Variants in KMT2C observed in about 807,000 individuals in gnomAD.
The protein encoded by KMT2C is lysine methyltransferase 2C, also known as histone-lysine N-methyltransferase 2C.
Under a neutral mutation model 507.9 loss-of-function variants are expected in KMT2C, and 88 were observed. The ratio of observed to expected loss-of-function variants is 0.17; its 90% CI spans 0.15 to 0.21. KMT2C has a LOEUF of 0.21. Among genes scored for constraint, KMT2C ranks in the 10% least tolerant of loss-of-function variants. The probability of loss-of-function intolerance (pLI) is 1.00; values close to 1 mark genes in which losing one functional copy is unlikely to be tolerated. For missense variants in KMT2C, 4,954 were observed against 5,957.8 expected, an observed-to-expected ratio of 0.83 and a Z score of 5.55; for synonymous variants, 2,049 against 2,080.8, an observed-to-expected ratio of 0.98 and a Z score of 0.42.
chr7:152,359,704 G>GA (rs1457493564), intron 1 of KMT2C, among the ~76,000 whole-genome samples: 2 of 151,508 alleles, frequency 1.3e-5, no homozygotes, highest in African/African-American at 4.9e-5. Flanking sequence ...GAAATAGAAA[G>GA]AAAAAATACA....
chr7:152,435,291 T>C (rs2097906577), intron 1 of KMT2C, among the ~76,000 whole-genome samples: 1 of 152,130 alleles, frequency 6.6e-6, no homozygotes, highest in African/African-American at 2.4e-5. Context: ...GTTTTCTCAA[T>C]GATCCAGCTA....
chr7:152,363,761 G>C (rs1175190930), intron 1 of KMT2C, among the ~76,000 whole-genome samples: 1 of 152,174 alleles, frequency 6.6e-6, no homozygotes, highest in Non-Finnish European at 1.5e-5. Flanking sequence ...GGTATTCAGA[G>C]AAAGAGCTCC....
chr7:152,156,222 A>G lies in KMT2C; in HGVS notation c.11795T>C (p.Val3932Ala), dbSNP rs764282606. The change falls in exon 45 of 59, where the codon GTG becomes GCG. Residue 3932 changes from valine (V) to alanine (A), a missense_variant. By Grantham distance (64) the Val-to-Ala change is moderately conservative. This residue lies in a region of KMT2C where 104 missense variants were observed against 134.3 expected (regional missense o/e 0.77). Transcript: ENST00000262189. ...AATCATACCTTCATGGCTCACTAAC[A>G]CTCCGGCTTTTCCAGCAAGTTCTTC... ...TTEELAGKAGVLVSHEVTKTL... is the reference protein window; with the variant it reads ...TTEELAGKAGALVSHEVTKTL... 1 of 1,613,982 alleles carries G rather than the reference A, an allele frequency of 6.2e-7. No homozygotes were observed. Among genetic ancestry groups the G allele is most frequent in the South Asian group, 1.1e-5 (1 of 91,068 alleles).
intron 42 of KMT2C, among the ~76,000 whole-genome samples, chr7:152,164,284 G>A (rs2092618383): frequency 6.6e-6 from 1 of 151,196 alleles, no homozygotes; most frequent in Non-Finnish European, 1.5e-5. Flanking sequence ...TATATAAATT[G>A]TACAACATTT....
intron 2 of KMT2C, among the ~76,000 whole-genome samples, chr7:152,346,180 C>G (rs1000254399): frequency 6.6e-6 from 1 of 152,178 alleles, no homozygotes; most frequent in Non-Finnish European, 1.5e-5. Flanking sequence ...AGAAATAGAT[C>G]TGGCGTGCAG....
Position 152,139,800 on chromosome 7 carries a change from A to G in KMT2C, c.14344-9T>C, listed in dbSNP as rs780775358. The G allele has an allele frequency of 6.3e-7, 1 of 1,593,606 alleles. No homozygotes were observed. The highest frequency in any genetic ancestry group is 8.6e-7 in the Non-Finnish European group (1 of 1,161,750). ...GCATACAGGCCCAGCCCCTAAAAAA[A>G]AGTGTGTACATACTTCCAATTTATG... On this transcript the variant is annotated splice_polypyrimidine_tract_variant and intron_variant, in intron 55 of 58. Coordinates refer to ENST00000262189, the MANE Select transcript of KMT2C (RefSeq NM_170606.3).
intron 6 of KMT2C, among the ~76,000 whole-genome samples, chr7:152,305,900 G>A (rs144504534): frequency 1.3e-5 from 2 of 152,260 alleles, no homozygotes; most frequent in African/African-American, 4.8e-5. Context: ...AGCAATGGTT[G>A]GAGACCAAGA....
Position 152,250,933 on chromosome 7 carries a change from T to C in KMT2C, c.1655A>G (p.Glu552Gly). The change falls in exon 12 of 59, where the codon GAA (glutamate) becomes GGA (glycine). Residue 552 changes from glutamate to glycine, a missense_variant. By Grantham distance (98) the Glu-to-Gly change is moderately conservative. Coordinates refer to ENST00000262189, the MANE Select transcript of KMT2C (RefSeq NM_170606.3). ...CTGCTCTGAGAATACCATTTGATCT[T>C]CAGGGCCTTCAACTTCCATTTCATT... ...YNNEMEVEGP[E>G]DQMVFSEQAA... 1 of 1,607,396 alleles carries C rather than the reference T, an allele frequency of 6.2e-7. No homozygotes were observed. Among genetic ancestry groups the C allele is most frequent in the Non-Finnish European group, 8.5e-7 (1 of 1,173,992 alleles).
chr7:152,322,531 C>G (rs545162411), intron 3 of KMT2C, among the ~76,000 whole-genome samples: 2 of 151,996 alleles, frequency 1.3e-5, no homozygotes, highest in Non-Finnish European at 2.9e-5. Context: ...AAATCATACC[C>G]TTGTCTCACA....
intron 1 of KMT2C, among the ~76,000 whole-genome samples, chr7:152,423,284 G>A (rs1186549086): frequency 6.6e-6 from 1 of 152,158 alleles, no homozygotes; most frequent in Non-Finnish European, 1.5e-5. Context: ...AGGTTGCAGT[G>A]AGCCAAAATC....
chr7:152,150,967 A>G lies in KMT2C; in HGVS notation c.12707T>C (p.Val4236Ala), dbSNP rs2091567585. Residue 4236 changes from valine (V) to alanine (A), a missense_variant, in exon 51 of 59, where the codon GTC becomes GCC. Val to Ala is a moderately conservative substitution (Grantham distance 64). Transcript: ENST00000262189. Reference protein sequence around the residue: ...ESTKRVEKDIVFCSNNCFILY... With the variant: ...ESTKRVEKDIAFCSNNCFILY... ...AATAAAGCAGTTATTACTACAGAAG[A>G]CAATGTCCTTCTCTACCCTCTTGGT... The G allele has an allele frequency of 6.2e-7, 1 of 1,613,298 alleles. No individual in the cohort carries two copies. Among genetic ancestry groups the G allele is most frequent in the African/African-American group, 1.3e-5 (1 of 74,894 alleles).
At chr7:152,308,022 T>C (rs1029413005) in intron 6 of KMT2C, among the ~76,000 whole-genome samples, 3 of 152,230 alleles carry the variant, frequency 2.0e-5, no homozygotes, top group African/African-American at 4.8e-5. Flanking sequence ...TGAAATATCA[T>C]TGTCTTAATC....
rs2096519529 is a variant in KMT2C at position 152,297,062 on chromosome 7, A to ACAGG, written c.849+12903_849+12904insCCTG. Among the ~76,000 whole-genome samples, 2 of 107,742 alleles carry ACAGG rather than the reference A, an allele frequency of 1.9e-5. 1 individual carries two copies. Among genetic ancestry groups the ACAGG allele is most frequent in the South Asian group, 6.3e-4 (2 of 3,156 alleles). 70.7% of individuals were successfully genotyped at this position (107,742 alleles called of 152,430 possible). A position where few individuals can be genotyped will look rare whatever the true frequency, so the allele number is the denominator to read the frequency against. The stretch of plus-strand genomic sequence containing the variant: ...GAAAGAAAGAAAGAAAGACAGAGAG[A>ACAGG]GAGAGAGAGAGAGAGAGAGAGAGAG... On this transcript the variant is annotated intron_variant, in intron 6 of 58. Coordinates refer to ENST00000262189, the MANE Select transcript of KMT2C (RefSeq NM_170606.3).
chr7:152,179,169 T>C (rs575948764), intron 37 of KMT2C, among the ~76,000 whole-genome samples: 11 of 152,344 alleles, frequency 7.2e-5, no homozygotes, highest in Admixed American at 3.9e-4. Context: ...CCAATTTTTG[T>C]ATTTTTACTA....
At position 152,354,333 on chromosome 7, in the gene KMT2C, CAT is replaced by C. The variant is rs375358525; in HGVS notation, c.250+4252_250+4253del. ...CAAGAATGGTAGGTAGCTTAGAAAA[CAT>C]AAAGAAAATTCAAGAACACAATACT... On this transcript the variant is annotated intron_variant, in intron 2 of 58. Transcript: ENST00000262189. 9.5e-4 allele frequency among the ~76,000 whole-genome samples: 144 copies of C among 152,134 alleles called. 1 individual carries two copies. Among genetic ancestry groups the C allele is most frequent in the Non-Finnish European group, 1.6e-3 (112 of 67,994 alleles).
chr7:152,180,108 T>C lies in KMT2C; in HGVS notation c.7168A>G (p.Ile2390Val), dbSNP rs2093381237. The change falls in exon 37 of 59, where the codon ATC becomes GTC. Residue 2390 changes from isoleucine to valine, a missense_variant. Physicochemically the swap from Ile to Val is conservative, Grantham distance 29. Around this residue, in one of 29 missense-constraint regions of KMT2C, gnomAD observed 1,689 missense variants for 1,654.3 expected, o/e 1.02. Transcript: ENST00000262189. ...TTCTGCTGTTGCTGCTGGAGAATGA[T>C]TTCACGTAACTTCTGCCGCTAAATG... ...KLRQRQKLRE[I>V]ILQQQQQKKI... The C allele has an allele frequency of 6.2e-7, 1 of 1,614,190 alleles. No homozygotes were observed. The highest frequency in any genetic ancestry group is 8.5e-7 in the Non-Finnish European group (1 of 1,180,034).
At chr7:152,190,328 T>C (rs910775335) in intron 31 of KMT2C, among the ~76,000 whole-genome samples, 6 of 152,222 alleles carry the variant, frequency 3.9e-5, no homozygotes, top group African/African-American at 1.4e-4. Flanking sequence ...CATCTACCGA[T>C]ATTACAATAA....
At position 152,249,320 on chromosome 7, in the gene KMT2C, GTTTTTTTTTTT is replaced by G. The variant is rs200151238; in HGVS notation, c.1813+545_1813+555del. On this transcript the variant is annotated intron_variant, in intron 13 of 58. Coordinates refer to ENST00000262189, the MANE Select transcript of KMT2C (RefSeq NM_170606.3). ...CCAATCAGTGACTAAAATTTATCTGGTTTTTTTTTTTTTTTTTTTTTGAAACAGGGTCTCAC... is the reference window on the plus strand; with the variant it reads ...CCAATCAGTGACTAAAATTTATCTGGTTTTTTTTTTGAAACAGGGTCTCAC... 7.4e-5 allele frequency among the ~76,000 whole-genome samples: 7 copies of G among 94,642 alleles called. No homozygotes were observed. The South Asian group carries it at 2.2e-3, about 29-fold the overall frequency. 62.1% of individuals were successfully genotyped at this position (94,642 alleles called of 152,430 possible).
chr7:152,146,564 C>G, intron 53 of KMT2C, 35 bp downstream of exon 53: 1 of 1,609,602 alleles, frequency 6.2e-7, no homozygotes, highest in Non-Finnish European at 8.5e-7. Flanking sequence ...ATCAGGAAAG[C>G]AATTCCAATC....
Sources: allele counts gnomAD v4.1 joint callset (sites outside exome capture counted in the v4.1 genomes callset), GRCh38; gene constraint gnomAD v4.1.1; regional missense constraint gnomAD v4.1.1; transcripts MANE v1.5; gene names NCBI Gene and HGNC (gene_info 2026-07-23, HGNC 2026-07-21).